ELL2: variants seen among roughly 807,000 people sequenced by gnomAD.
The protein encoded by ELL2 is RNA polymerase II elongation factor ELL2.
ELL2 carries 21 observed loss-of-function variants against 72.8 expected under a neutral mutation model. The observed-to-expected ratio is 0.29, with a 90% CI of 0.20 to 0.42. The LOEUF (loss-of-function observed/expected upper bound fraction) is 0.42. ELL2 is among the 10% of genes least tolerant of loss of function. The probability of loss-of-function intolerance (pLI) is 1.00; values close to 1 mark genes in which losing one functional copy is unlikely to be tolerated. For synonymous variants in ELL2, 266 were observed against 283.2 expected, an observed-to-expected ratio of 0.94 and a Z score of 0.61; for missense variants, 568 against 772.8, an observed-to-expected ratio of 0.73 and a Z score of 3.14.
intron 1 of ELL2, among the ~76,000 whole-genome samples, chr5:95,954,596 C>CTTTTTTTTTTTTTTTT (rs1169301940): frequency 2.7e-4 from 29 of 105,866 alleles, no homozygotes; most frequent in African/African-American, 3.5e-4. Context: ...TTTTTTTTTT[C>CTTTTTTTTTTTTTTTT]TTTTTTTTTT....
Position 95,898,593 on chromosome 5 carries a change from A to G in ELL2, c.1172T>C (p.Ile391Thr), listed in dbSNP as rs536412366. ...AGGGGAGTTGGAGTTAGAATTTACA[A>G]TCTGAGGAGGATGTGAGATGGGCAG... Reference protein sequence around the residue: ...TYLPISHPPQIVNSNSNSPST... With the variant: ...TYLPISHPPQTVNSNSNSPST... Residue 391 changes from isoleucine to threonine, a missense_variant, in exon 8 of 12, where the codon ATT becomes ACT. By Grantham distance (89) the Ile-to-Thr change is moderately conservative. Transcript: ENST00000237853. 5 of 1,613,856 alleles carry G rather than the reference A, an allele frequency of 3.1e-6. No individual in the cohort carries two copies. The highest frequency in any genetic ancestry group is 1.7e-5 in the Admixed American group (1 of 59,992).
At chr5:95,906,033 G>A (rs1749346126) in intron 5 of ELL2, among the ~76,000 whole-genome samples, 1 of 152,126 alleles carries the variant, frequency 6.6e-6, no homozygotes, top group Non-Finnish European at 1.5e-5. Context: ...GCAGACAAAT[G>A]ACTGATCTTG....
chr5:95,903,432 T>C (rs1203102825), intron 5 of ELL2, among the ~76,000 whole-genome samples: 4 of 151,860 alleles, frequency 2.6e-5, no homozygotes, highest in African/African-American at 7.3e-5. Context: ...TGTTTCACCA[T>C]GTTGGCCAGG....
At chr5:95,952,953 A>C (rs1751474087) in intron 1 of ELL2, among the ~76,000 whole-genome samples, 1 of 152,220 alleles carries the variant, frequency 6.6e-6, no homozygotes. Context: ...AAATCAGGAA[A>C]GTGTTTCTAA....
chr5:95,929,971 C>T (rs769100767), intron 2 of ELL2, among the ~76,000 whole-genome samples: 8 of 152,086 alleles, frequency 5.3e-5, no homozygotes, highest in African/African-American at 1.7e-4. Flanking sequence ...AAAGTATCTT[C>T]GTCTTTATTA....
chr5:95,939,911 G>A (rs1022170378), intron 2 of ELL2, among the ~76,000 whole-genome samples: 1 of 152,178 alleles, frequency 6.6e-6, no homozygotes, highest in African/African-American at 2.4e-5. Context: ...TACCATTTCT[G>A]TCTAAATATG....
intron 5 of ELL2, among the ~76,000 whole-genome samples, chr5:95,904,726 C>G (rs1022879600): frequency 1.3e-5 from 2 of 152,118 alleles, no homozygotes; most frequent in African/African-American, 4.8e-5. Flanking sequence ...ATGTATCTTG[C>G]GGCTCTTCTT....
chr5:95,911,606 A>G (rs1446011488), intron 4 of ELL2, among the ~76,000 whole-genome samples: 1 of 152,200 alleles, frequency 6.6e-6, no homozygotes, highest in Non-Finnish European at 1.5e-5. Context: ...TCGGCCTCCC[A>G]AAGTGCTAAG....
intron 4 of ELL2, among the ~76,000 whole-genome samples, chr5:95,911,574 T>C (rs1230120230): frequency 3.3e-5 from 5 of 151,994 alleles, no homozygotes; most frequent in Admixed American, 3.3e-4. Context: ...TCTCGATCTC[T>C]TGACCTCGTG....
At chr5:95,893,620 C>T (rs1004457826) in intron 9 of ELL2, among the ~76,000 whole-genome samples, 6 of 152,084 alleles carry the variant, frequency 3.9e-5, no homozygotes, top group Non-Finnish European at 7.4e-5. Flanking sequence ...CTCCTGACCT[C>T]GTGATCCGCC....
Position 95,898,457 on chromosome 5 carries a change from T to A in ELL2, c.1308A>T (p.Glu436Asp). The change falls in exon 8 of 12, where the codon GAA (glutamate) becomes GAT (aspartate). Residue 436 changes from glutamate (E) to aspartate (D), a missense_variant. Glu to Asp is a conservative substitution (Grantham distance 45). Transcript: ENST00000237853. ...QDKYTSRTSL[E>D]TLPPGSVLLK... ...GTAGAACGGAACCAGGGGGTAAGGT[T>A]TCCAGAGAAGTCCTAGAGGTATATT... 1 of 1,613,806 alleles carries A rather than the reference T, an allele frequency of 6.2e-7. No homozygotes were observed.
At chr5:95,922,580 T>C (rs1189225122) in intron 2 of ELL2, among the ~76,000 whole-genome samples, 1 of 152,226 alleles carries the variant, frequency 6.6e-6, no homozygotes, top group Non-Finnish European at 1.5e-5. Flanking sequence ...TTTTCCTTTC[T>C]CATCCTCCAA....
chr5:95,960,066 T>C (rs1240775256), intron 1 of ELL2, among the ~76,000 whole-genome samples: 2 of 152,234 alleles, frequency 1.3e-5, no homozygotes, highest in East Asian at 3.9e-4. Flanking sequence ...CTTCGCTCTA[T>C]GTATTTAAAG....
chr5:95,947,270 G>A (rs529403422), intron 1 of ELL2, among the ~76,000 whole-genome samples: 3 of 152,014 alleles, frequency 2.0e-5, no homozygotes, highest in Admixed American at 2.0e-4. Context: ...TATACACACT[G>A]TACACATATG....
At chr5:95,961,494 C>T in intron 1 of ELL2, 81 bp downstream of exon 1, 2 of 1,352,602 alleles carry the variant, frequency 1.5e-6, no homozygotes, top group Non-Finnish European at 1.9e-6. Flanking sequence ...ACGGCTCCGC[C>T]GGCCCCGCAC....
intron 2 of ELL2, among the ~76,000 whole-genome samples, chr5:95,941,043 T>G (rs1044933127): frequency 3.9e-5 from 6 of 152,070 alleles, no homozygotes; most frequent in Non-Finnish European, 7.4e-5. Context: ...TTGTTCCCAG[T>G]TAGAATAATG....
Position 95,898,487 on chromosome 5 carries a change from T to C in ELL2, c.1278A>G (p.Gln426=), listed in dbSNP as rs1561490620. 3 of 1,614,154 alleles carry C rather than the reference T, an allele frequency of 1.9e-6. No homozygotes were observed. ...GAGAAGTCCTAGAGGTATATTTGTC[T>C]TGCTGGTCCTCATAGATACTATCGT... ...SQNDSIYEDQ[Q]DKYTSRTSLE... Residue 426 remains glutamine, a synonymous_variant, in exon 8 of 12, where the codon CAA becomes CAG. Transcript: ENST00000237853.
In ELL2 at chr5:95,898,799, C is replaced by T; in HGVS notation, c.966G>A (p.Leu322=). ...DAVSSPQKRL[L]DSEFIDPLMN... Reference sequence around the variant, plus strand: ...TTAAAGGATCAATAAACTCTGAATCCAAAAGCCGTTTCTAGGGGAGGGAAA... The same window carrying T: ...TTAAAGGATCAATAAACTCTGAATCTAAAAGCCGTTTCTAGGGGAGGGAAA... The change falls in exon 8 of 12, where the codon TTG becomes TTA. Residue 322 remains leucine (L), a synonymous_variant. Transcript: ENST00000237853. 6.7e-7 allele frequency: 1 copy of T among 1,495,484 alleles called. No individual in the cohort carries two copies. The highest frequency in any genetic ancestry group is 8.9e-7 in the Non-Finnish European group (1 of 1,123,088). The allele number at this position is 1,495,484 out of a possible 1,614,324, so 92.6% of individuals were successfully genotyped here.
intron 1 of ELL2, among the ~76,000 whole-genome samples, chr5:95,953,511 T>G (rs1457943393): frequency 2.0e-5 from 3 of 152,206 alleles, no homozygotes; most frequent in Non-Finnish European, 4.4e-5. Context: ...TCTTAAAGTA[T>G]CTCTGTGAAT....
Sources: allele counts gnomAD v4.1 joint callset (sites outside exome capture counted in the v4.1 genomes callset), GRCh38; gene constraint gnomAD v4.1.1; transcripts MANE v1.5; gene names NCBI Gene and HGNC (gene_info 2026-07-23, HGNC 2026-07-21).